The following RAD51C variants were observed in gnomAD, a reference collection of about 807,000 sequenced individuals.
The protein encoded by RAD51C is RAD51 paralog C.
In RAD51C, 42 loss-of-function variants were observed where a neutral mutation model predicts 45.0. The observed-to-expected ratio is 0.93, with a 90% CI of 0.73 to 1.21. The LOEUF is 1.21. Ranked by LOEUF, RAD51C falls within the 50% of genes most tolerant of loss-of-function variation. The probability of loss-of-function intolerance (pLI) is 0.00; values close to 1 mark genes in which losing one functional copy is unlikely to be tolerated. For synonymous variants in RAD51C, 172 were observed against 159.8 expected, an observed-to-expected ratio of 1.08 and a Z score of -0.58; for missense variants, 474 against 452.2, an observed-to-expected ratio of 1.05 and a Z score of -0.44.
intron 7 of RAD51C, 99 bp from the exon 8 acceptor site, chr17:58,732,385 A>G: frequency 1.0e-6 from 1 of 959,870 alleles, no homozygotes; most frequent in Non-Finnish European, 1.6e-6. Flanking sequence ...AATTATTAAT[A>G]TAATAAACCT....
intron 4 of RAD51C, among the ~76,000 whole-genome samples, chr17:58,704,251 C>G (rs983956602): frequency 1.1e-4 from 17 of 151,640 alleles, no homozygotes; most frequent in African/African-American, 4.1e-4. Context: ...ATATTTAAAT[C>G]CTTGGCTTGC....
At chr17:58,728,909 A>G (rs1318193584) in intron 7 of RAD51C, among the ~76,000 whole-genome samples, 3 of 152,220 alleles carry the variant, frequency 2.0e-5, no homozygotes, top group Middle Eastern at 3.2e-3. Flanking sequence ...TCATGGTTAT[A>G]TGAGGCCAAG....
chr17:58,709,481 A>G (rs1462022126), intron 4 of RAD51C, among the ~76,000 whole-genome samples: 2 of 152,174 alleles, frequency 1.3e-5, no homozygotes, highest in Admixed American at 6.6e-5. Flanking sequence ...TAACTTTCCA[A>G]AAGAAAGCCA....
chr17:58,717,938 T>A (rs994622227), intron 5 of RAD51C, among the ~76,000 whole-genome samples: 1 of 152,166 alleles, frequency 6.6e-6, no homozygotes, highest in Admixed American at 6.5e-5. Context: ...GAAACAGAAA[T>A]TTTAGGGTGT....
At chr17:58,715,647 T>G (rs1308547721) in intron 5 of RAD51C, among the ~76,000 whole-genome samples, 1 of 152,098 alleles carries the variant, frequency 6.6e-6, no homozygotes, top group Non-Finnish European at 1.5e-5. Context: ...GTTTTCAAGG[T>G]TTATCTGTAT....
At chr17:58,711,194 T>A (rs1380432453) in intron 5 of RAD51C, among the ~76,000 whole-genome samples, 1 of 152,190 alleles carries the variant, frequency 6.6e-6, no homozygotes, top group African/African-American at 2.4e-5. Context: ...TAGTTCCTTA[T>A]GTTTTTAACA....
At chr17:58,729,811 A>G (rs1375478522) in intron 7 of RAD51C, among the ~76,000 whole-genome samples, 3 of 151,168 alleles carry the variant, frequency 2.0e-5, no homozygotes, top group Admixed American at 1.3e-4. Context: ...ACCTCAAGTG[A>G]CCTGCCCACC....
chr17:58,695,456 C>A, intron 2 of RAD51C: 1 of 856,502 alleles, frequency 1.2e-6, no homozygotes, highest in Non-Finnish European at 1.6e-6. Flanking sequence ...CTGCGTTATT[C>A]ATTCCTGAGA....
chr17:58,696,805 GCTA>G lies in RAD51C; in HGVS notation c.520_522del (p.Thr174del). On this transcript the variant is annotated inframe_deletion, in exon 3 of 9. Coordinates refer to ENST00000337432, the MANE Select transcript of RAD51C (RefSeq NM_058216.3). ...TATGGTTGATAGAGTGGTAGACCTT[GCTA>G]CTGCCTGCATTCAGCACCTTCAGCT... 6.2e-7 allele frequency: 1 copy of G among 1,614,156 alleles called. No individual in the cohort carries two copies.
chr17:58,721,389 C>T (rs1182595217), intron 6 of RAD51C, among the ~76,000 whole-genome samples: 4 of 152,192 alleles, frequency 2.6e-5, no homozygotes, highest in African/African-American at 9.6e-5. Flanking sequence ...ATACAAATCA[C>T]ACTACAGTGA....
At chr17:58,727,304 A>G (rs2049202334) in intron 7 of RAD51C, among the ~76,000 whole-genome samples, 1 of 150,980 alleles carries the variant, frequency 6.6e-6, no homozygotes, top group South Asian at 2.1e-4. Flanking sequence ...TTGTATTTTT[A>G]GTAGAGGTGG....
In RAD51C at chr17:58,695,260, G is replaced by A. The variant is rs376780225; in HGVS notation, c.404+71G>A. 1.0e-4 allele frequency: 155 copies of A among 1,522,744 alleles called. No homozygotes were observed. The East Asian group carries it at 1.7e-3, about 16-fold the overall frequency. 94.3% of individuals were successfully genotyped at this position (1,522,744 alleles called of 1,614,324 possible). On this transcript the variant is annotated intron_variant, in intron 2 of 8. Transcript: ENST00000337432. ...TATGAAAGTAGTATTTTGTACTATCGTCAGGAAACCAAATAAGATATATAT... is the reference window on the plus strand; with the variant it reads ...TATGAAAGTAGTATTTTGTACTATCATCAGGAAACCAAATAAGATATATAT...
chr17:58,732,575 G>T (rs1240660810), intron 8 of RAD51C, 31 bp downstream of exon 8: 1 of 1,572,898 alleles, frequency 6.4e-7, no homozygotes, highest in Non-Finnish European at 8.8e-7. Flanking sequence ...GTGGGATTTT[G>T]ATATTGATGG....
intron 4 of RAD51C, among the ~76,000 whole-genome samples, chr17:58,705,053 C>A (rs2048332611): frequency 6.6e-6 from 1 of 151,636 alleles, no homozygotes; most frequent in African/African-American, 2.4e-5. Flanking sequence ...ATCGCTTGAA[C>A]CTGGGAAGCA....
chr17:58,692,621 C>A lies in RAD51C; in HGVS notation c.-23C>A, dbSNP rs941631413. On this transcript the variant is annotated 5_prime_UTR_variant, in exon 1 of 9. Coordinates refer to ENST00000337432, the MANE Select transcript of RAD51C (RefSeq NM_058216.3). ...GAGGGCGTGCGGAGTTTGGCTGCTC[C>A]GGGGTTAGCAGGTGAGCCTGCGATG... The A allele has an allele frequency of 4.3e-6, 7 of 1,613,364 alleles. No individual in the cohort carries two copies. The highest frequency in any genetic ancestry group is 4.5e-5 in the East Asian group (2 of 44,892).
chr17:58,695,009 A>G lies in RAD51C; in HGVS notation c.224A>G (p.Tyr75Cys), dbSNP rs2047945655. The change falls in exon 2 of 9, where the codon TAT (tyrosine) becomes TGT (cysteine). Residue 75 changes from tyrosine to cysteine, a missense_variant. By Grantham distance (194) the Tyr-to-Cys change is radical. Transcript: ENST00000337432. ...GAATGTCTCACAAATAAACCAAGAT[A>G]TGCTGGTACATCTGAGTCACACAAG... ...RRECLTNKPR[Y>C]AGTSESHKKC... 1.2e-6 allele frequency: 2 copies of G among 1,614,162 alleles called. No individual in the cohort carries two copies. Among genetic ancestry groups the G allele is most frequent in the Non-Finnish European group, 1.7e-6 (2 of 1,179,994 alleles).
chr17:58,713,090 C>T (rs896778385), intron 5 of RAD51C, among the ~76,000 whole-genome samples: 2 of 152,200 alleles, frequency 1.3e-5, no homozygotes, highest in African/African-American at 4.8e-5. Context: ...CGCACCACTG[C>T]ACTCCAGCCT....
intron 3 of RAD51C, among the ~76,000 whole-genome samples, chr17:58,698,750 G>A (rs1324188818): frequency 4.0e-5 from 6 of 151,192 alleles, no homozygotes; most frequent in South Asian, 4.2e-4. Flanking sequence ...GCGAAACCCC[G>A]TCTGTACTAA....
intron 7 of RAD51C, among the ~76,000 whole-genome samples, chr17:58,726,291 T>G (rs2049120649): frequency 6.6e-6 from 1 of 151,526 alleles, no homozygotes; most frequent in Non-Finnish European, 1.5e-5. Context: ...AAAGGTTAAC[T>G]GAATAAGTAG....
Sources: gnomAD v4.1 joint callset for allele counts (sites outside exome capture counted in the v4.1 genomes callset) on GRCh38, gnomAD v4.1.1 for gene constraint, MANE v1.5 for transcripts, NCBI Gene and HGNC (gene_info 2026-07-23, HGNC 2026-07-21) for gene names.